The following VIM variants were observed in gnomAD, a reference collection of about 807,000 sequenced individuals.
The protein encoded by VIM is vimentin.
In VIM, 18 loss-of-function variants were observed where a neutral mutation model predicts 50.3. The ratio of observed to expected loss-of-function variants is 0.36; its 90% CI spans 0.25 to 0.53. The LOEUF is 0.53. Ranked by LOEUF, VIM falls within the 20% of genes least tolerant of loss-of-function variation. VIM has a pLI of 0.91. For missense variants in VIM, 551 were observed against 614.7 expected, an observed-to-expected ratio of 0.90 and a Z score of 1.10; for synonymous variants, 245 against 248.5, an observed-to-expected ratio of 0.99 and a Z score of 0.13.
At position 17,235,196 on chromosome 10, in the gene VIM, G is replaced by A; in HGVS notation, c.1036G>A (p.Glu346Lys). 6.2e-7 allele frequency: 1 copy of A among 1,614,250 alleles called. No homozygotes were observed. Among genetic ancestry groups the A allele is most frequent in the Non-Finnish European group, 8.5e-7 (1 of 1,180,034 alleles). ...TGAGTCCCTGGAACGCCAGATGCGT[G>A]AAATGGAAGAGAACTTTGCCGTTGA... ...TNESLERQMR[E>K]MEENFAVEAA... is the part of the protein sequence containing the mutation. Residue 346 changes from glutamate to lysine, a missense_variant, in exon 7 of 10, where the codon GAA becomes AAA. Transcript: ENST00000544301.
Position 17,229,481 on chromosome 10 carries a change from C to T in VIM, c.59C>T (p.Thr20Ile). The T allele has an allele frequency of 6.2e-7, 1 of 1,606,664 alleles. No individual in the cohort carries two copies. Among genetic ancestry groups the T allele is most frequent in the Non-Finnish European group, 8.5e-7 (1 of 1,179,020 alleles). The stretch of plus-strand genomic sequence containing the variant: ...CGCAGGATGTTCGGCGGCCCGGGCA[C>T]CGCGAGCCGGCCGAGCTCCAGCCGG... The part of the protein sequence containing the change: ...SYRRMFGGPG[T>I]ASRPSSSRSY... Residue 20 changes from threonine to isoleucine, a missense_variant, in exon 2 of 10, where the codon ACC (threonine) becomes ATC (isoleucine). Thr to Ile is a moderately conservative substitution (Grantham distance 89). This residue lies in a region of VIM where 134 missense variants were observed against 126.4 expected (regional missense o/e 1.06). Transcript: ENST00000544301.
At chr10:17,228,940 T>C in intron 1 of VIM, 1 of 169,348 alleles carries the variant, frequency 5.9e-6, no homozygotes, top group Non-Finnish European at 1.3e-5. Context: ...CCCACGCCCC[T>C]TTGGCGTGGT....
At chr10:17,231,318 A>G (rs1291814172) in intron 3 of VIM, among the ~76,000 whole-genome samples, 1 of 151,170 alleles carries the variant, frequency 6.6e-6, no homozygotes, top group East Asian at 1.9e-4. Flanking sequence ...AGTTCGATGG[A>G]AGTATCACTA....
chr10:17,229,911 G>A lies in VIM; in HGVS notation c.489G>A (p.Gln163=), dbSNP rs201551781. The A allele has an allele frequency of 6.2e-7, 1 of 1,612,790 alleles. No homozygotes were observed. The highest frequency in any genetic ancestry group is 1.7e-5 in the Admixed American group (1 of 59,934). Residue 163 remains glutamine, a synonymous_variant, in exon 2 of 10, where the codon CAG becomes CAA. Coordinates refer to ENST00000544301, the MANE Select transcript of VIM (RefSeq NM_003380.5). ...EMRELRRQVD[Q]LTNDKARVEV... ...GGGAGCTGCGCCGGCAGGTGGACCA[G>A]CTAACCAACGACAAAGCCCGCGTCG...
At position 17,235,904 on chromosome 10, in the gene VIM, T is replaced by C. The variant is rs1358767054; in HGVS notation, c.1273+15T>C. On this transcript the variant is annotated intron_variant, in intron 8 of 9. Coordinates refer to ENST00000544301, the MANE Select transcript of VIM (RefSeq NM_003380.5). ...GAACCTGAGGGGTAAGCATTTTATT[T>C]CCCTTTAGGAAAAACGTCAGCTGCT... 1.2e-6 allele frequency: 2 copies of C among 1,611,752 alleles called. No homozygotes were observed. The highest frequency in any genetic ancestry group is 1.7e-6 in the Non-Finnish European group (2 of 1,178,124).
At chr10:17,230,856 G>C (rs1664567533) in intron 3 of VIM, 146 bp downstream of exon 3, 1 of 819,068 alleles carries the variant, frequency 1.2e-6, no homozygotes, top group African/African-American at 1.7e-5. Context: ...AAGACCACAG[G>C]TTGGAGCTTC....
rs1175578895 is a variant in VIM, at chr10:17,237,125, A to G, written c.1360-105A>G. ...GCAACATAACCTTCTGATTTGCACA[A>G]TAAATTACATATATTTAGCAGGATT... is the stretch of plus-strand genomic sequence containing the variant. On this transcript the variant is annotated intron_variant, in intron 9 of 9. Transcript: ENST00000544301. 7.4e-6 allele frequency: 8 copies of G among 1,084,550 alleles called. No individual in the cohort carries two copies. The South Asian group carries it at 8.5e-5, about 12-fold the overall frequency. 67.2% of individuals were successfully genotyped at this position (1,084,550 alleles called of 1,614,324 possible).
At position 17,230,693 on chromosome 10, in the gene VIM, C is replaced by T. The variant is rs1386842396; in HGVS notation, c.607C>T (p.Leu203=). ...TCAGAGAGAGGAAGCCGAAAACACC[C>T]TGCAATCTTTCAGACAGGTTTGTAG... The part of the protein sequence containing the change: ...MLQREEAENT[L]QSFRQDVDNA... Residue 203 remains leucine (L), a synonymous_variant, in exon 3 of 10, where the codon CTG becomes TTG. Transcript: ENST00000544301. 1 of 1,614,166 alleles carries T rather than the reference C, an allele frequency of 6.2e-7. No individual in the cohort carries two copies. Among genetic ancestry groups the T allele is most frequent in the Non-Finnish European group, 8.5e-7 (1 of 1,180,032 alleles).
At chr10:17,230,540 G>T (rs1158647029) in intron 2 of VIM, 110 bp from the exon 3 acceptor site, 3 of 1,245,238 alleles carry the variant, frequency 2.4e-6, no homozygotes, top group Non-Finnish European at 3.5e-6. Flanking sequence ...GTTGCGCGGA[G>T]GTGGCGCAGC....
At position 17,236,038 on chromosome 10, in the gene VIM, A is replaced by G. The variant is rs551726046; in HGVS notation, c.1273+149A>G. The stretch of plus-strand genomic sequence containing the variant: ...ATCTATAATTTTCGAACCCAAGTAC[A>G]CTCTTGCATTCTATGCTTTAAGTTA... On this transcript the variant is annotated intron_variant, in intron 8 of 9. Coordinates refer to ENST00000544301, the MANE Select transcript of VIM (RefSeq NM_003380.5). 156 of 844,164 alleles carry G rather than the reference A, an allele frequency of 1.8e-4. No individual in the cohort carries two copies. In the African/African-American group the frequency reaches 2.2e-3, roughly 12 times the overall value. The allele number at this position is 844,164 out of a possible 1,614,324, so 52.3% of individuals were successfully genotyped here.
At chr10:17,233,291 G>C in intron 3 of VIM, 1 of 393,352 alleles carries the variant, frequency 2.5e-6, no homozygotes, top group Non-Finnish European at 4.8e-6. Flanking sequence ...TGTGGATTCA[G>C]TCATGATTGA....
chr10:17,230,770 A>C, intron 3 of VIM, 60 bp downstream of exon 3: 1 of 1,604,790 alleles, frequency 6.2e-7, no homozygotes, highest in Non-Finnish European at 8.5e-7. Flanking sequence ...ACCCACGAGC[A>C]ATTCTAAAAG....
intron 4 of VIM, 29 bp downstream of exon 4, chr10:17,233,711 T>G: frequency 6.2e-7 from 1 of 1,614,168 alleles, no homozygotes; most frequent in Non-Finnish European, 8.5e-7. Context: ...GGGGAATGAA[T>G]GAGGGTAAGG....
In VIM at chr10:17,229,817, T is replaced by G; in HGVS notation, c.395T>G (p.Leu132Arg). ...RFLEQQNKILLAELEQLKGQG... is the reference protein window; with the variant it reads ...RFLEQQNKILRAELEQLKGQG... ...CTGGAGCAGCAGAATAAGATCCTGC[T>G]GGCCGAGCTCGAGCAGCTCAAGGGC... The change falls in exon 2 of 10, where the codon CTG (leucine) becomes CGG (arginine). Residue 132 changes from leucine (L) to arginine (R), a missense_variant. Coordinates refer to ENST00000544301, the MANE Select transcript of VIM (RefSeq NM_003380.5). The G allele has an allele frequency of 6.2e-7, 1 of 1,600,694 alleles. No homozygotes were observed. Among genetic ancestry groups the G allele is most frequent in the Non-Finnish European group, 8.5e-7 (1 of 1,173,898 alleles).
intron 3 of VIM, among the ~76,000 whole-genome samples, chr10:17,232,618 A>G (rs986845176): frequency 1.3e-5 from 2 of 152,222 alleles, no homozygotes; most frequent in African/African-American, 4.8e-5. Flanking sequence ...TACAGTTCAG[A>G]GTTACATTTC....
chr10:17,230,532 T>A (rs1846769607), intron 2 of VIM, 118 bp from the exon 3 acceptor site: 1 of 1,166,610 alleles, frequency 8.6e-7, no homozygotes, highest in Non-Finnish European at 1.3e-6. Flanking sequence ...AGGCGCTAGT[T>A]GCGCGGAGGT....
rs11545549 is a variant in VIM, at chr10:17,229,475, C to G, written c.53C>G (p.Pro18Arg). The G allele has an allele frequency of 6.2e-7, 1 of 1,605,974 alleles. No homozygotes were observed. The highest frequency in any genetic ancestry group is 1.7e-5 in the Admixed American group (1 of 59,798). ...SSSYRRMFGG[P>R]GTASRPSSSR... is the part of the protein sequence containing the mutation. Reference sequence around the variant, plus strand: ...TCCTACCGCAGGATGTTCGGCGGCCCGGGCACCGCGAGCCGGCCGAGCTCC... The same window carrying G: ...TCCTACCGCAGGATGTTCGGCGGCCGGGGCACCGCGAGCCGGCCGAGCTCC... The change falls in exon 2 of 10, where the codon CCG (proline) becomes CGG (arginine). Residue 18 changes from proline to arginine, a missense_variant. Around this residue, in one of 3 missense-constraint regions of VIM, gnomAD observed 134 missense variants for 126.4 expected, o/e 1.06. Coordinates refer to ENST00000544301, the MANE Select transcript of VIM (RefSeq NM_003380.5).
Position 17,229,759 on chromosome 10 carries a change from C to A in VIM, c.337C>A (p.Arg113Ser). 6.3e-7 allele frequency: 1 copy of A among 1,588,424 alleles called. No individual in the cohort carries two copies. The highest frequency in any genetic ancestry group is 8.6e-7 in the Non-Finnish European group (1 of 1,166,786). The change falls in exon 2 of 10, where the codon CGC (arginine) becomes AGC (serine). Residue 113 changes from arginine (R) to serine (S), a missense_variant. Arg to Ser is a moderately radical substitution (Grantham distance 110). Transcript: ENST00000544301. ...GGTGGAGCTGCAGGAGCTGAATGAC[C>A]GCTTCGCCAACTACATCGACAAGGT... Reference protein sequence around the residue: ...EKVELQELNDRFANYIDKVRF... With the variant: ...EKVELQELNDSFANYIDKVRF...
chr10:17,235,633 G>A (rs1298780300), intron 7 of VIM: 6 of 695,562 alleles, frequency 8.6e-6, no homozygotes, highest in Non-Finnish European at 1.2e-5. Context: ...CCTAACTCCT[G>A]TTCATGCTCC....
Sources: allele counts gnomAD v4.1 joint callset (sites outside exome capture counted in the v4.1 genomes callset), GRCh38; gene constraint gnomAD v4.1.1; regional missense constraint gnomAD v4.1.1; transcripts MANE v1.5; gene names NCBI Gene and HGNC (gene_info 2026-07-23, HGNC 2026-07-21).